The following ANTXR1 variants were observed in gnomAD, a reference collection of about 807,000 sequenced individuals.
ANTXR1 encodes ANTXR cell adhesion molecule 1, also known as anthrax toxin receptor 1.
A neutral mutation model predicts 78.1 loss-of-function variants in ANTXR1; 19 were observed. That is an observed-to-expected ratio of 0.24 (90% CI 0.17 to 0.36). The LOEUF (loss-of-function observed/expected upper bound fraction) is 0.36. Ranked by LOEUF, ANTXR1 falls within the 10% of genes least tolerant of loss-of-function variation. The pLI is 1.00. For missense variants in ANTXR1, 518 were observed against 718.6 expected, an observed-to-expected ratio of 0.72 and a Z score of 3.19; for synonymous variants, 273 against 260.5, an observed-to-expected ratio of 1.05 and a Z score of -0.46.
intron 14 of ANTXR1, among the ~76,000 whole-genome samples, chr2:69,172,709 C>G (rs894197734): frequency 6.6e-5 from 10 of 152,128 alleles, no homozygotes; most frequent in Non-Finnish European, 1.2e-4. Context: ...TCTCAGTGAC[C>G]TTTTTAATAG....
At chr2:69,116,798 C>T (rs1672157499) in intron 10 of ANTXR1, among the ~76,000 whole-genome samples, 1 of 152,138 alleles carries the variant, frequency 6.6e-6, no homozygotes, top group South Asian at 2.1e-4. Flanking sequence ...ATATTTATAA[C>T]AAGAAAAGAT....
intron 3 of ANTXR1, among the ~76,000 whole-genome samples, chr2:69,067,031 A>T (rs528288713): frequency 6.6e-6 from 1 of 152,328 alleles, no homozygotes; most frequent in Non-Finnish European, 1.5e-5. Context: ...AGAAAATAAG[A>T]ATAGACCCTT....
chr2:69,031,373 C>A (rs1247190715), intron 1 of ANTXR1, among the ~76,000 whole-genome samples: 1 of 152,104 alleles, frequency 6.6e-6, no homozygotes, highest in East Asian at 1.9e-4. Context: ...AATTATGTAG[C>A]TTATCTTAAT....
At chr2:69,148,270 T>A (rs1214339884) in intron 12 of ANTXR1, among the ~76,000 whole-genome samples, 1 of 152,202 alleles carries the variant, frequency 6.6e-6, no homozygotes, top group African/African-American at 2.4e-5. Context: ...GCTCCCAGCA[T>A]GTGGACCTCC....
chr2:69,169,534 T>TCATC, intron 13 of ANTXR1, among the ~76,000 whole-genome samples: 1 of 152,246 alleles, frequency 6.6e-6, no homozygotes, highest in South Asian at 2.1e-4. Context: ...ATCCCATGTG[T>TCATC]CATCATTCTC....
At position 69,248,936 on chromosome 2, in the gene ANTXR1, A is replaced by C. The variant is rs542599881; in HGVS notation, c.*3451A>C. 3.3e-5 allele frequency: 5 copies of C among 152,236 alleles called. No individual in the cohort carries two copies. Among genetic ancestry groups the C allele is most frequent in the Non-Finnish European group, 7.3e-5 (5 of 68,042 alleles). 9.4% of individuals were successfully genotyped at this position (152,236 alleles called of 1,614,324 possible). On this transcript the variant is annotated 3_prime_UTR_variant, in exon 18 of 18. Coordinates refer to ENST00000303714, the MANE Select transcript of ANTXR1 (RefSeq NM_032208.3). The stretch of plus-strand genomic sequence containing the variant: ...AGCTCTCCTATATTATCATACTCAG[A>C]TAACCAAATTAAAAGAATTAGAATA...
At chr2:69,037,531 G>T (rs959993067) in intron 1 of ANTXR1, among the ~76,000 whole-genome samples, 1 of 152,120 alleles carries the variant, frequency 6.6e-6, no homozygotes, top group Admixed American at 6.5e-5. Context: ...GTGCAAGGGT[G>T]CAATCTCAGC....
chr2:69,162,491 C>A (rs78529496), intron 13 of ANTXR1, among the ~76,000 whole-genome samples: 2 of 152,298 alleles, frequency 1.3e-5, no homozygotes, highest in East Asian at 3.9e-4. Context: ...TAGGGATCTG[C>A]AAGAGGAAAC....
At chr2:69,173,984 A>T (rs868453693) in intron 14 of ANTXR1, among the ~76,000 whole-genome samples, 12 of 152,326 alleles carry the variant, frequency 7.9e-5, no homozygotes, top group Middle Eastern at 3.4e-3. Context: ...TTTTATTTGC[A>T]ATGAAAAACA....
chr2:69,096,074 C>G (rs567698891), intron 9 of ANTXR1, among the ~76,000 whole-genome samples: 1 of 151,744 alleles, frequency 6.6e-6, no homozygotes, highest in Non-Finnish European at 1.5e-5. Context: ...CTGGCTAACA[C>G]GGTGAAACCC....
rs78412789 is a variant in ANTXR1, at chr2:69,099,738, A to C, written c.704-3104A>C. 1.2e-3 allele frequency among the ~76,000 whole-genome samples: 183 copies of C among 152,328 alleles called. 2 individuals carry two copies. In the East Asian group the frequency reaches 0.034, roughly 29 times the overall value. ...GGACCTTATTAAGCCTCAGAAAATA[A>C]ACAGGATTAGACCTGGTTGGGACCT... is the stretch of plus-strand genomic sequence containing the variant. On this transcript the variant is annotated intron_variant, in intron 9 of 17. Transcript: ENST00000303714.
rs140873449 is a variant in ANTXR1 at position 69,164,962 on chromosome 2, G to A, written c.1048-5286G>A. On this transcript the variant is annotated intron_variant, in intron 13 of 17. Transcript: ENST00000303714. The stretch of plus-strand genomic sequence containing the variant: ...AATGTCTGACTTGAAGCTAAACATA[G>A]CCCCTGCATATCTGACAGAGGTATG... 8.0e-3 allele frequency among the ~76,000 whole-genome samples: 1,218 copies of A among 152,276 alleles called. 15 individuals carry two copies. Among genetic ancestry groups the A allele is most frequent in the African/African-American group, 0.028 (1,149 of 41,540 alleles).
chr2:69,104,001 C>T (rs11693314), intron 10 of ANTXR1, among the ~76,000 whole-genome samples: 35,218 of 148,982 alleles, frequency 0.24, 5,174 homozygotes, highest in Non-Finnish European at 0.32. Context: ...TACAATGGCA[C>T]GATCTCAGCT....
At chr2:69,162,764 TTC>T (rs1351945520) in intron 13 of ANTXR1, among the ~76,000 whole-genome samples, 1 of 152,118 alleles carries the variant, frequency 6.6e-6, no homozygotes, top group African/African-American at 2.4e-5. Flanking sequence ...ACACTGAAAA[TTC>T]TCTGTGTATC....
intron 3 of ANTXR1, among the ~76,000 whole-genome samples, chr2:69,063,582 T>G (rs946780723): frequency 2.0e-5 from 3 of 151,772 alleles, no homozygotes; most frequent in Admixed American, 6.6e-5. Context: ...AAAAAACAAA[T>G]TTAAAATAAA....
At chr2:69,063,537 G>A in intron 3 of ANTXR1, among the ~76,000 whole-genome samples, 1 of 151,804 alleles carries the variant, frequency 6.6e-6, no homozygotes, top group Middle Eastern at 3.2e-3. Flanking sequence ...TCTTTAGGGT[G>A]AAGGAAAATG....
chr2:69,100,410 C>G (rs956446800), intron 9 of ANTXR1, among the ~76,000 whole-genome samples: 3 of 152,166 alleles, frequency 2.0e-5, no homozygotes, highest in Admixed American at 2.0e-4. Flanking sequence ...ACCGTCTCCC[C>G]CTGGCCTAGG....
At chr2:69,075,757 C>A in intron 7 of ANTXR1, 99 bp downstream of exon 7, 1 of 1,086,602 alleles carries the variant, frequency 9.2e-7, no homozygotes, top group Non-Finnish European at 1.4e-6. Flanking sequence ...GGAATAAATG[C>A]CCCTGAAATA....
chr2:69,038,545 A>C (rs1484862245), intron 1 of ANTXR1, among the ~76,000 whole-genome samples: 7 of 152,254 alleles, frequency 4.6e-5, no homozygotes, highest in African/African-American at 1.7e-4. Flanking sequence ...ATGAACACCC[A>C]TGTGTTCTCC....
Sources: allele counts gnomAD v4.1 joint callset (sites outside exome capture counted in the v4.1 genomes callset), GRCh38; gene constraint gnomAD v4.1.1; transcripts MANE v1.5; gene names NCBI Gene and HGNC (gene_info 2026-07-23, HGNC 2026-07-21).